Variants in TPP2 observed in about 807,000 individuals in gnomAD.
The protein encoded by TPP2 is tripeptidyl peptidase 2.
Under a neutral mutation model 155.9 loss-of-function variants are expected in TPP2, and 34 were observed. The observed-to-expected ratio is 0.22, with a 90% CI of 0.17 to 0.29. The LOEUF (loss-of-function observed/expected upper bound fraction) is 0.29, where lower values mean the gene tolerates loss of function less well. TPP2 is among the 10% of genes least tolerant of loss of function. TPP2 has a pLI of 1.00. For missense variants in TPP2, 1,028 were observed against 1,522.3 expected (o/e 0.68, Z 5.40); for synonymous variants, 510 against 529.4 (o/e 0.96, Z 0.50).
At chr13:102,665,038 A>T in intron 27 of TPP2, 113 bp downstream of exon 27, 1 of 1,293,840 alleles carries the variant, frequency 7.7e-7, no homozygotes, top group Non-Finnish European at 1.1e-6. Context: ...TTATATCCTT[A>T]TAATGGGAAT....
At chr13:102,647,744 G>T (rs376768718) in intron 21 of TPP2, among the ~76,000 whole-genome samples, 1 of 152,156 alleles carries the variant, frequency 6.6e-6, no homozygotes, top group Admixed American at 6.5e-5. Flanking sequence ...AGCAGTGGCC[G>T]CATGTCTTCA....
intron 28 of TPP2, among the ~76,000 whole-genome samples, chr13:102,675,394 A>C (rs747462900): frequency 3.9e-5 from 6 of 152,162 alleles, no homozygotes; most frequent in Non-Finnish European, 8.8e-5. Flanking sequence ...TACCACTTTT[A>C]TGTATGACCT....
intron 23 of TPP2, 68 bp downstream of exon 23, chr13:102,649,554 TAATTC>T: frequency 2.2e-6 from 3 of 1,355,252 alleles, no homozygotes; most frequent in Non-Finnish European, 3.1e-6. Context: ...AGATAAGAAT[TAATTC>T]CACATTTCAG....
At chr13:102,611,889 T>C (rs1880355910) in intron 2 of TPP2, among the ~76,000 whole-genome samples, 1 of 152,204 alleles carries the variant, frequency 6.6e-6, no homozygotes, top group South Asian at 2.1e-4. Context: ...CAATTTTCAC[T>C]CTAATTTTTA....
chr13:102,627,777 T>TATA (rs953309375), intron 7 of TPP2, 71 bp from the exon 8 acceptor site: 89 of 1,061,196 alleles, frequency 8.4e-5, no homozygotes, highest in Non-Finnish European at 1.3e-4. Flanking sequence ...ATTATATATA[T>TATA]GCCCTTATTT....
intron 2 of TPP2, among the ~76,000 whole-genome samples, chr13:102,613,807 A>G (rs1274204912): frequency 1.3e-5 from 2 of 152,238 alleles, no homozygotes; most frequent in Non-Finnish European, 2.9e-5. Context: ...TTAAAAGATT[A>G]TTACAAGATT....
At chr13:102,636,124 CT>C in intron 12 of TPP2, 99 bp from the exon 13 acceptor site, 2 of 1,243,394 alleles carry the variant, frequency 1.6e-6, no homozygotes, top group Middle Eastern at 2.8e-4. Flanking sequence ...TAGACACTAA[CT>C]TTTTGTTTTA....
intron 6 of TPP2, among the ~76,000 whole-genome samples, chr13:102,625,066 G>A (rs1485880261): frequency 6.6e-6 from 1 of 151,140 alleles, no homozygotes; most frequent in Non-Finnish European, 1.5e-5. Context: ...CACCATGTTG[G>A]TCAGGCTAGT....
At chr13:102,662,442 T>A (rs1023541218) in intron 25 of TPP2, among the ~76,000 whole-genome samples, 4 of 152,174 alleles carry the variant, frequency 2.6e-5, no homozygotes, top group Non-Finnish European at 5.9e-5. Context: ...CTAATAGGTG[T>A]TTTAGAAGAA....
intron 27 of TPP2, among the ~76,000 whole-genome samples, chr13:102,667,363 T>TAA (rs1246220869): frequency 1.3e-4 from 20 of 152,184 alleles, no homozygotes; most frequent in South Asian, 2.1e-4. Flanking sequence ...AAGGTCCTTA[T>TAA]TGAGCAAATA....
intron 4 of TPP2, among the ~76,000 whole-genome samples, chr13:102,616,957 CTGGAGTGCAG>C: frequency 1.3e-5 from 2 of 151,612 alleles, no homozygotes; most frequent in South Asian, 4.2e-4. Flanking sequence ...CTGTTCCAGG[CTGGAGTGCAG>C]TGGTGTGATC....
chr13:102,654,937 C>T, intron 24 of TPP2: 2 of 489,300 alleles, frequency 4.1e-6, no homozygotes, highest in Non-Finnish European at 8.2e-6. Flanking sequence ...AGGAGCAGGA[C>T]AGGCAGCTGG....
chr13:102,614,569 G>C (rs776784864), intron 3 of TPP2, among the ~76,000 whole-genome samples: 1 of 152,142 alleles, frequency 6.6e-6, no homozygotes, highest in Non-Finnish European at 1.5e-5. Context: ...TTTCGTTTCT[G>C]TTCCTGTAGT....
At chr13:102,631,618 C>T (rs1021151233) in intron 10 of TPP2, 4 of 152,184 alleles carry the variant, frequency 2.6e-5, no homozygotes, top group African/African-American at 4.8e-5. Context: ...TGCCGATACT[C>T]GCCATAGAGC....
In TPP2 at chr13:102,651,477, C is replaced by G. The variant is rs947379013; in HGVS notation, c.2991+80C>G. 3 of 1,422,444 alleles carry G rather than the reference C, an allele frequency of 2.1e-6. No individual in the cohort carries two copies. The African/African-American group carries it at 4.3e-5, about 20-fold the overall frequency. The allele number at this position is 1,422,444 out of a possible 1,614,324, so 88.1% of individuals were successfully genotyped here. A position where few individuals can be genotyped will look rare whatever the true frequency, so the allele number is the denominator to read the frequency against. On this transcript the variant is annotated intron_variant, in intron 24 of 29. Transcript: ENST00000376052. The stretch of plus-strand genomic sequence containing the variant: ...ACTTTTTTCTGTCACTATTATAAAC[C>G]TTTTTTTTAATAAGTCTCCCTTAGT...
chr13:102,652,065 A>G (rs1883530008), intron 24 of TPP2, among the ~76,000 whole-genome samples: 1 of 152,142 alleles, frequency 6.6e-6, no homozygotes, highest in South Asian at 2.1e-4. Context: ...AACTCAGAAA[A>G]GAAAATGTCT....
chr13:102,630,828 TATTTTA>T (rs1381036557), intron 10 of TPP2, among the ~76,000 whole-genome samples: 1 of 152,224 alleles, frequency 6.6e-6, no homozygotes, highest in Non-Finnish European at 1.5e-5. Context: ...AAATAAAGCC[TATTTTA>T]ATTCATCTGT....
intron 6 of TPP2, among the ~76,000 whole-genome samples, chr13:102,626,515 AGAGGTAG>A (rs988434135): frequency 5.9e-5 from 9 of 152,180 alleles, no homozygotes; most frequent in Non-Finnish European, 1.5e-5. Context: ...GTGTGTACCT[AGAGGTAG>A]GATGGCTGGC....
chr13:102,622,533 G>T (rs1881238552), intron 5 of TPP2, among the ~76,000 whole-genome samples: 1 of 152,200 alleles, frequency 6.6e-6, no homozygotes, highest in Non-Finnish European at 1.5e-5. Flanking sequence ...GCAGCTGGAA[G>T]TTAGACCTAG....
Sources: allele counts gnomAD v4.1 joint callset (sites outside exome capture counted in the v4.1 genomes callset), GRCh38; gene constraint gnomAD v4.1.1; transcripts MANE v1.5; gene names NCBI Gene and HGNC (gene_info 2026-07-23, HGNC 2026-07-21).